The following RIT2 variants were observed in gnomAD, a reference collection of about 807,000 sequenced individuals.
RIT2 encodes the protein Ras like without CAAX 2.
Under a neutral mutation model 23.7 loss-of-function variants are expected in RIT2, and 24 were observed. That is an observed-to-expected ratio of 1.01 (90% confidence interval 0.73 to 1.43). The LOEUF (loss-of-function observed/expected upper bound fraction) is 1.43. Ranked by LOEUF, RIT2 falls within the 40% of genes most tolerant of loss-of-function variation. The pLI is 0.00. For missense variants in RIT2, 236 were observed against 266.9 expected, an observed-to-expected ratio of 0.88 and a Z score of 0.81; for synonymous variants, 107 against 91.1, an observed-to-expected ratio of 1.17 and a Z score of -0.99.
At chr18:43,089,535 T>G (rs1375113668) in intron 1 of RIT2, among the ~76,000 whole-genome samples, 4 of 151,206 alleles carry the variant, frequency 2.6e-5, no homozygotes, top group Admixed American at 6.6e-5. Context: ...ATTATAAAAT[T>G]TACATGGAAC....
At chr18:43,030,851 T>G (rs1412157672) in intron 2 of RIT2, among the ~76,000 whole-genome samples, 1 of 152,086 alleles carries the variant, frequency 6.6e-6, no homozygotes, top group African/African-American at 2.4e-5. Context: ...AGTAAACATC[T>G]ACTACGGAAA....
chr18:43,065,166 T>C (rs890366856), intron 1 of RIT2, among the ~76,000 whole-genome samples: 2 of 151,906 alleles, frequency 1.3e-5, no homozygotes, highest in African/African-American at 2.4e-5. Flanking sequence ...TGTCAGGTTT[T>C]ACTGGATTTC....
At chr18:42,792,218 ACTT>A (rs1297360927) in intron 4 of RIT2, among the ~76,000 whole-genome samples, 1 of 152,048 alleles carries the variant, frequency 6.6e-6, no homozygotes, top group East Asian at 1.9e-4. Context: ...TATCTCCCCC[ACTT>A]TTTTCCTCTC....
intron 3 of RIT2, among the ~76,000 whole-genome samples, chr18:42,953,922 T>A (rs931008406): frequency 6.6e-6 from 1 of 152,158 alleles, no homozygotes; most frequent in Non-Finnish European, 1.5e-5. Context: ...TCTTCTAGAA[T>A]GAACTCTATT....
intron 3 of RIT2, among the ~76,000 whole-genome samples, chr18:42,925,244 T>A (rs1053529696): frequency 5.9e-5 from 9 of 152,052 alleles, no homozygotes; most frequent in African/African-American, 2.2e-4. Flanking sequence ...TGAACCAAGA[T>A]TGAGTAATAA....
intron 4 of RIT2, among the ~76,000 whole-genome samples, chr18:42,878,423 T>G (rs900544019): frequency 5.3e-5 from 8 of 151,990 alleles, no homozygotes; most frequent in Non-Finnish European, 1.2e-4. Context: ...TTCATCTCTT[T>G]CTTGTCTTCA....
chr18:43,045,643 A>C (rs1912228795), intron 1 of RIT2, among the ~76,000 whole-genome samples: 1 of 152,208 alleles, frequency 6.6e-6, no homozygotes, highest in South Asian at 2.1e-4. Flanking sequence ...CTTTGAGAAG[A>C]GATCATAGAA....
intron 1 of RIT2, among the ~76,000 whole-genome samples, chr18:43,069,767 G>A (rs146319636): frequency 1.3e-5 from 2 of 152,192 alleles, no homozygotes; most frequent in East Asian, 1.9e-4. Context: ...ACTTATTGAT[G>A]TTTCTTTCTG....
At chr18:43,046,582 G>GACAACACAGGGTCTTCCAC (rs1435952796) in intron 1 of RIT2, among the ~76,000 whole-genome samples, 1 of 152,176 alleles carries the variant, frequency 6.6e-6, no homozygotes, top group African/African-American at 2.4e-5. Context: ...GTGTCTGGCA[G>GACAACACAGGGTCTTCCAC]ACAACACAGG....
intron 4 of RIT2, among the ~76,000 whole-genome samples, chr18:42,796,218 C>G (rs113293764): frequency 6.6e-6 from 1 of 152,118 alleles, no homozygotes; most frequent in African/African-American, 2.4e-5. Context: ...CCAGCAAGAC[C>G]AGGAGCTCAC....
At chr18:43,093,152 T>C (rs1480295247) in intron 1 of RIT2, among the ~76,000 whole-genome samples, 2 of 152,100 alleles carry the variant, frequency 1.3e-5, no homozygotes, top group African/African-American at 4.8e-5. Flanking sequence ...ATTTAAGAGC[T>C]GGAAAACATC....
intron 1 of RIT2, among the ~76,000 whole-genome samples, chr18:43,109,552 T>G (rs1191262482): frequency 6.6e-6 from 1 of 152,190 alleles, no homozygotes; most frequent in African/African-American, 2.4e-5. Flanking sequence ...AAAATCCTCC[T>G]CATCCTTTAA....
intron 3 of RIT2, among the ~76,000 whole-genome samples, chr18:42,951,751 C>A (rs1317769972): frequency 6.6e-6 from 1 of 152,018 alleles, no homozygotes; most frequent in African/African-American, 2.4e-5. Flanking sequence ...GTAAATAATG[C>A]TTCAACTAAA....
At chr18:42,992,173 C>G (rs922858185) in intron 2 of RIT2, among the ~76,000 whole-genome samples, 2 of 152,032 alleles carry the variant, frequency 1.3e-5, no homozygotes, top group Non-Finnish European at 2.9e-5. Flanking sequence ...CTCCCTTAGC[C>G]TGTCCTCTCA....
chr18:42,917,623 C>T (rs893349644), intron 4 of RIT2, among the ~76,000 whole-genome samples: 1 of 152,142 alleles, frequency 6.6e-6, no homozygotes. Context: ...GAAATGTATT[C>T]ATACCACAAT....
chr18:42,932,822 C>A (rs968782032), intron 3 of RIT2, among the ~76,000 whole-genome samples: 1 of 151,708 alleles, frequency 6.6e-6, no homozygotes, highest in African/African-American at 2.4e-5. Context: ...GAATCCTGTG[C>A]ATGCTTCTTA....
intron 4 of RIT2, among the ~76,000 whole-genome samples, chr18:42,841,971 C>T (rs8087737): frequency 0.14 from 21,955 of 152,232 alleles, 1,659 homozygotes; most frequent in Middle Eastern, 0.26. Flanking sequence ...CTTTTAACCA[C>T]AAGTTGAAGA....
chr18:43,084,163 T>A (rs1163328441), intron 1 of RIT2, among the ~76,000 whole-genome samples: 1 of 152,184 alleles, frequency 6.6e-6, no homozygotes, highest in African/African-American at 2.4e-5. Flanking sequence ...ATTAGAGAAA[T>A]GCAAATCAAA....
At chr18:42,795,277 G>A (rs902498342) in intron 4 of RIT2, among the ~76,000 whole-genome samples, 6 of 152,230 alleles carry the variant, frequency 3.9e-5, no homozygotes, top group Non-Finnish European at 7.3e-5. Flanking sequence ...CCGGGGCTGC[G>A]TGCAGTGCTT....
Sources: gnomAD v4.1 joint callset for allele counts (sites outside exome capture counted in the v4.1 genomes callset) on GRCh38, gnomAD v4.1.1 for gene constraint, MANE v1.5 for transcripts, NCBI Gene and HGNC (gene_info 2026-07-23, HGNC 2026-07-21) for gene names.